PPWD1: variants seen among roughly 807,000 people sequenced by gnomAD.
PPWD1 encodes peptidylprolyl isomerase domain and WD repeat containing 1.
In PPWD1, 43 loss-of-function variants were observed where a neutral mutation model predicts 68.8. That is an observed-to-expected ratio of 0.62 (90% confidence interval 0.49 to 0.81). The LOEUF (loss-of-function observed/expected upper bound fraction) is 0.81, where lower values mean the gene tolerates loss of function less well. Ranked by LOEUF, PPWD1 falls within the 30% of genes least tolerant of loss-of-function variation. The pLI, the probability that PPWD1 is intolerant of heterozygous loss-of-function variation, is 0.00. For missense variants in PPWD1, 672 were observed against 804.8 expected (o/e 0.83, Z 2.00); for synonymous variants, 232 against 258.7 (o/e 0.90, Z 0.99).
chr5:65,568,860 T>C (rs2150591576), intron 2 of PPWD1: 1 of 454,620 alleles, frequency 2.2e-6, no homozygotes, highest in Non-Finnish European at 4.4e-6. Context: ...TATATATACA[T>C]ATTAGCATTG....
intron 1 of PPWD1, 125 bp from the exon 2 acceptor site, chr5:65,567,388 A>G: frequency 7.5e-7 from 1 of 1,335,604 alleles, no homozygotes; most frequent in South Asian, 2.0e-5. Context: ...TTGTGAATTG[A>G]GAAAAACTAA....
rs768397359 is a variant in PPWD1, at chr5:65,571,929, C to G, written c.612C>G (p.Phe204Leu). Residue 204 changes from phenylalanine (F) to leucine (L), a missense_variant, in exon 5 of 11, where the codon TTC becomes TTG. By Grantham distance (22) the Phe-to-Leu change is conservative. This residue lies in a region of PPWD1 where 484 missense variants were observed against 646.2 expected (regional missense o/e 0.75). Coordinates refer to ENST00000261308, the MANE Select transcript of PPWD1 (RefSeq NM_015342.4). ...AASEKSTGKI[F>L]IYDGRGDNQP... is the part of the protein sequence containing the mutation. ...CCGAAAAGAGTACAGGAAAAATTTT[C>G]ATTTATGATGGCCGAGGAGATAACC... 6.2e-7 allele frequency: 1 copy of G among 1,613,944 alleles called. No homozygotes were observed. Among genetic ancestry groups the G allele is most frequent in the Non-Finnish European group, 8.5e-7 (1 of 1,180,004 alleles).
At position 65,571,770 on chromosome 5, in the gene PPWD1, G is replaced by A. The variant is rs1229977590; in HGVS notation, c.522-69G>A. On this transcript the variant is annotated intron_variant, in intron 4 of 10. Coordinates refer to ENST00000261308, the MANE Select transcript of PPWD1 (RefSeq NM_015342.4). ...CACCAGCCAAGACATTTTTGGTAGTGGGATAGGGAGGGATGCTTGCTTGTT... is the reference window on the plus strand; with the variant it reads ...CACCAGCCAAGACATTTTTGGTAGTAGGATAGGGAGGGATGCTTGCTTGTT... 2.6e-6 allele frequency: 4 copies of A among 1,537,374 alleles called. No individual in the cohort carries two copies. The South Asian group carries it at 3.9e-5, about 15-fold the overall frequency.
chr5:65,566,287 C>G (rs1424302908), intron 1 of PPWD1, among the ~76,000 whole-genome samples: 1 of 152,166 alleles, frequency 6.6e-6, no homozygotes, highest in Non-Finnish European at 1.5e-5. Context: ...TCCAGAAGTT[C>G]CTAGGCTCTC....
intron 1 of PPWD1, chr5:65,564,059 G>A (rs1581141250): frequency 1.2e-5 from 1 of 80,372 alleles, no homozygotes; most frequent in Admixed American, 1.4e-4. Context: ...CCCGAAGTCT[G>A]TGGTTTTGAA....
intron 8 of PPWD1, among the ~76,000 whole-genome samples, chr5:65,584,471 C>A (rs1242143554): frequency 6.6e-6 from 1 of 152,144 alleles, no homozygotes; most frequent in African/African-American, 2.4e-5. Context: ...GTCGCTGTAG[C>A]ATAACAATGC....
intron 7 of PPWD1, chr5:65,582,773 G>A (rs1356297950): frequency 3.8e-6 from 1 of 260,024 alleles, no homozygotes; most frequent in African/African-American, 2.2e-5. Flanking sequence ...TTAAATGTTT[G>A]CCCAAGAAAA....
chr5:65,570,316 T>C, intron 4 of PPWD1: 1 of 888,950 alleles, frequency 1.1e-6, no homozygotes, highest in South Asian at 5.2e-5. Flanking sequence ...CTTCCTTGCT[T>C]TACTTATTTC....
intron 6 of PPWD1, among the ~76,000 whole-genome samples, chr5:65,578,038 A>G (rs2150601675): frequency 6.6e-6 from 1 of 152,354 alleles, no homozygotes; most frequent in East Asian, 1.9e-4. Flanking sequence ...TCAACCACTG[A>G]TCTTTTCACC....
chr5:65,566,314 A>G (rs534491631), intron 1 of PPWD1, among the ~76,000 whole-genome samples: 1 of 152,360 alleles, frequency 6.6e-6, no homozygotes, highest in African/African-American at 2.4e-5. Context: ...TTTCTGCCCA[A>G]CATAACTAAG....
intron 6 of PPWD1, among the ~76,000 whole-genome samples, chr5:65,577,481 A>G: frequency 6.6e-6 from 1 of 152,182 alleles, no homozygotes; most frequent in East Asian, 1.9e-4. Context: ...CTTTTTTGTG[A>G]AAACAGTCCA....
intron 1 of PPWD1, among the ~76,000 whole-genome samples, chr5:65,566,820 C>CTT (rs762925536): frequency 1.1e-5 from 1 of 94,762 alleles, no homozygotes; most frequent in African/African-American, 3.4e-5. Context: ...CCCTTTCTTT[C>CTT]TTTTTTTTTT....
At chr5:65,569,301 T>C in intron 2 of PPWD1, 2 of 279,598 alleles carry the variant, frequency 7.2e-6, no homozygotes, top group Non-Finnish European at 1.4e-5. Flanking sequence ...TATTTTCTTG[T>C]GAAAAGACTG....
chr5:65,570,420 T>A, intron 4 of PPWD1: 1 of 692,640 alleles, frequency 1.4e-6, no homozygotes, highest in Non-Finnish European at 1.8e-6. Flanking sequence ...ATATTGATAC[T>A]AAAACTATGG....
intron 1 of PPWD1, among the ~76,000 whole-genome samples, chr5:65,566,157 G>A (rs1752748492): frequency 6.6e-6 from 1 of 152,170 alleles, no homozygotes; most frequent in African/African-American, 2.4e-5. Context: ...GGATCAGATA[G>A]GATTAAGTTT....
At chr5:65,586,705 G>A (rs1250325746) in intron 10 of PPWD1, among the ~76,000 whole-genome samples, 1 of 152,136 alleles carries the variant, frequency 6.6e-6, no homozygotes, top group South Asian at 2.1e-4. Flanking sequence ...AGGGAAAAAT[G>A]TAACTACCAT....
chr5:65,586,847 G>T (rs1753873143), intron 10 of PPWD1, among the ~76,000 whole-genome samples: 1 of 152,122 alleles, frequency 6.6e-6, no homozygotes, highest in Non-Finnish European at 1.5e-5. Flanking sequence ...GCTAGCATTT[G>T]AACTCCCACC....
intron 8 of PPWD1, 40 bp downstream of exon 8, chr5:65,583,259 G>C (rs573288754): frequency 7.1e-7 from 1 of 1,405,410 alleles, no homozygotes; most frequent in Admixed American, 2.5e-5. Flanking sequence ...ATGTAATTAA[G>C]AATGTAAATG....
chr5:65,576,433 G>A (rs1753283340), intron 5 of PPWD1: 2 of 801,752 alleles, frequency 2.5e-6, no homozygotes, highest in Non-Finnish European at 1.5e-6. Context: ...CCAGAGTGCA[G>A]TGGCGCAATT....
Sources: gnomAD v4.1 joint callset for allele counts (sites outside exome capture counted in the v4.1 genomes callset) on GRCh38, gnomAD v4.1.1 for gene constraint, gnomAD v4.1.1 regional missense constraint, MANE v1.5 for transcripts, NCBI Gene and HGNC (gene_info 2026-07-23, HGNC 2026-07-21) for gene names.